MSI2: variants seen among roughly 807,000 people sequenced by gnomAD.
MSI2 encodes musashi RNA binding protein 2.
Under a neutral mutation model 45.6 loss-of-function variants are expected in MSI2, and 17 were observed. The ratio of observed to expected loss-of-function variants is 0.37; its 90% CI spans 0.26 to 0.56. The LOEUF (loss-of-function observed/expected upper bound fraction) is 0.56. MSI2 is among the 20% of genes least tolerant of loss of function. The probability of loss-of-function intolerance (pLI) is 0.77; values close to 1 mark genes in which losing one functional copy is unlikely to be tolerated. For missense variants in MSI2, 293 were observed against 444.2 expected (o/e 0.66, Z 3.06); for synonymous variants, 156 against 158.2 (o/e 0.99, Z 0.11).
intron 5 of MSI2, among the ~76,000 whole-genome samples, chr17:57,375,895 G>A (rs1415720316): frequency 1.3e-5 from 2 of 152,164 alleles, no homozygotes; most frequent in Admixed American, 6.5e-5. Flanking sequence ...ACCCCAGGCC[G>A]CGTTAGCCGA....
At chr17:57,328,019 TG>T (rs1567759564) in intron 5 of MSI2, among the ~76,000 whole-genome samples, 1 of 152,176 alleles carries the variant, frequency 6.6e-6, no homozygotes, top group African/African-American at 2.4e-5. Context: ...GCACTACTGT[TG>T]GGGGGAGTGG....
At chr17:57,491,171 T>C (rs1054391133) in intron 6 of MSI2, among the ~76,000 whole-genome samples, 5 of 152,250 alleles carry the variant, frequency 3.3e-5, no homozygotes, top group African/African-American at 1.2e-4. Context: ...ATTCGGATTC[T>C]CCTGTAGAGG....
Position 57,677,072 on chromosome 17 carries a change from C to T in MSI2, c.*31+13C>T, listed in dbSNP as rs892573355. On this transcript the variant is annotated intron_variant, in intron 13 of 13. Transcript: ENST00000284073. The stretch of plus-strand genomic sequence containing the variant: ...ATCTCACTCTGAGGTATTACCGTCT[C>T]TGCCATGTGTCTCTGCCCTGCCGGT... The T allele has an allele frequency of 6.3e-7, 1 of 1,596,426 alleles. No homozygotes were observed. The highest frequency in any genetic ancestry group is 8.6e-7 in the Non-Finnish European group (1 of 1,163,798).
chr17:57,665,868 C>T (rs960653048), intron 11 of MSI2, among the ~76,000 whole-genome samples: 1 of 152,168 alleles, frequency 6.6e-6, no homozygotes, highest in Non-Finnish European at 1.5e-5. Flanking sequence ...TCTGCTTCCA[C>T]GCTGACCCCA....
intron 6 of MSI2, among the ~76,000 whole-genome samples, chr17:57,404,250 G>A (rs1381942131): frequency 6.6e-6 from 1 of 152,056 alleles, no homozygotes; most frequent in African/African-American, 2.4e-5. Flanking sequence ...AGCTGGGTGT[G>A]GACTCCCCCT....
chr17:57,286,724 T>G (rs1909925439), intron 5 of MSI2, among the ~76,000 whole-genome samples: 1 of 152,124 alleles, frequency 6.6e-6, no homozygotes, highest in Non-Finnish European at 1.5e-5. Context: ...GAGCCTCGAC[T>G]TAATTTGTTC....
intron 7 of MSI2, among the ~76,000 whole-genome samples, chr17:57,584,121 G>A (rs757334074): frequency 2.0e-5 from 3 of 152,044 alleles, no homozygotes; most frequent in Admixed American, 6.6e-5. Flanking sequence ...CCCCCTGTCC[G>A]CAGTAGCCTC....
chr17:57,431,250 T>C (rs1271595719), intron 6 of MSI2, among the ~76,000 whole-genome samples: 1 of 152,182 alleles, frequency 6.6e-6, no homozygotes, highest in African/African-American at 2.4e-5. Flanking sequence ...CCCCTGATGC[T>C]CAGAGCCAGG....
At chr17:57,373,026 A>G (rs1259830820) in intron 5 of MSI2, among the ~76,000 whole-genome samples, 1 of 152,218 alleles carries the variant, frequency 6.6e-6, no homozygotes, top group African/African-American at 2.4e-5. Flanking sequence ...AGGCAGGTGG[A>G]TCACCTTAGG....
At chr17:57,536,920 C>T (rs1050895070) in intron 7 of MSI2, among the ~76,000 whole-genome samples, 9 of 152,030 alleles carry the variant, frequency 5.9e-5, no homozygotes, top group African/African-American at 1.9e-4. Flanking sequence ...GAGGGTGGGG[C>T]GGTGGGCAAC....
chr17:57,546,106 G>A (rs2087161693), intron 7 of MSI2, among the ~76,000 whole-genome samples: 1 of 152,134 alleles, frequency 6.6e-6, no homozygotes, highest in African/African-American at 2.4e-5. Flanking sequence ...AATTTATCAC[G>A]CACCTCATGA....
At chr17:57,699,743 C>T in the MSI2 span, among the ~76,000 whole-genome samples, 1 of 152,204 alleles carries the variant, frequency 6.6e-6, no homozygotes, top group Non-Finnish European at 1.5e-5. Flanking sequence ...CTGCCGATGT[C>T]CTTTGCCAAC....
intron 5 of MSI2, among the ~76,000 whole-genome samples, chr17:57,381,859 G>A (rs549273062): frequency 3.9e-5 from 6 of 151,926 alleles, no homozygotes; most frequent in African/African-American, 1.5e-4. Flanking sequence ...AGTCGTGTGA[G>A]CTTATGCATT....
chr17:57,390,291 C>T (rs1354931118), intron 5 of MSI2, among the ~76,000 whole-genome samples: 1 of 152,150 alleles, frequency 6.6e-6, no homozygotes, highest in Non-Finnish European at 1.5e-5. Context: ...CTATCCTTGC[C>T]ATTTTTCCCG....
At chr17:57,399,144 T>C (rs2083942419) in intron 5 of MSI2, among the ~76,000 whole-genome samples, 1 of 152,172 alleles carries the variant, frequency 6.6e-6, no homozygotes, top group African/African-American at 2.4e-5. Context: ...TGGACAATAA[T>C]GAGTGAGCAT....
intron 10 of MSI2, among the ~76,000 whole-genome samples, chr17:57,641,648 A>C (rs1426213054): frequency 6.6e-6 from 1 of 152,218 alleles, no homozygotes; most frequent in East Asian, 1.9e-4. Context: ...GAGTGGCTCA[A>C]AATCAGAAAT....
At chr17:57,511,303 C>G (rs948900527) in intron 6 of MSI2, among the ~76,000 whole-genome samples, 4 of 152,136 alleles carry the variant, frequency 2.6e-5, no homozygotes, top group African/African-American at 9.7e-5. Context: ...ATTAATAAAC[C>G]GCAAATGTGA....
intron 9 of MSI2, among the ~76,000 whole-genome samples, chr17:57,617,315 A>G (rs1042548891): frequency 6.6e-6 from 1 of 152,246 alleles, no homozygotes; most frequent in Non-Finnish European, 1.5e-5. Context: ...TCTAAAACTT[A>G]TCCCTGGAAG....
intron 7 of MSI2, among the ~76,000 whole-genome samples, chr17:57,531,367 G>C (rs1429427121): frequency 6.6e-6 from 1 of 152,198 alleles, no homozygotes; most frequent in Non-Finnish European, 1.5e-5. Flanking sequence ...GTAAATGTTA[G>C]CTCTTATTAT....
Sources: gnomAD v4.1 joint callset for allele counts (sites outside exome capture counted in the v4.1 genomes callset) on GRCh38, gnomAD v4.1.1 for gene constraint, MANE v1.5 for transcripts, NCBI Gene and HGNC (gene_info 2026-07-23, HGNC 2026-07-21) for gene names.